Variants in IL6R observed in about 807,000 individuals in gnomAD.
IL6R encodes the protein interleukin 6 receptor.
In IL6R, 38 loss-of-function variants were observed where a neutral mutation model predicts 48.3. That is an observed-to-expected ratio of 0.79 (90% confidence interval 0.61 to 1.03). IL6R has a LOEUF of 1.03. Among genes scored for constraint, IL6R ranks in the 50% least tolerant of loss-of-function variants. The pLI is 0.00. For synonymous variants in IL6R, 264 were observed against 256.2 expected (o/e 1.03, Z -0.29); for missense variants, 534 against 618.3 (o/e 0.86, Z 1.45).
At position 154,435,964 on chromosome 1, in the gene IL6R, C is replaced by T. The variant is rs1356854108; in HGVS notation, c.808-5C>T. 1 of 1,595,840 alleles carries T rather than the reference C, an allele frequency of 6.3e-7. No homozygotes were observed. Among genetic ancestry groups the T allele is most frequent in the Non-Finnish European group, 8.6e-7 (1 of 1,166,414 alleles). Reference sequence around the variant, plus strand: ...TCCCCAGAGTCACCGTGCCCCCGCCCTCAGGTCAAGGACCTCCAGCATCAC... The same window carrying T: ...TCCCCAGAGTCACCGTGCCCCCGCCTTCAGGTCAAGGACCTCCAGCATCAC... On this transcript the variant is annotated splice_region_variant and splice_polypyrimidine_tract_variant and intron_variant, in intron 5 of 9. Transcript: ENST00000368485.
At chr1:154,444,713 A>G (rs572550104) in intron 6 of IL6R, among the ~76,000 whole-genome samples, 1 of 152,224 alleles carries the variant, frequency 6.6e-6, no homozygotes, top group East Asian at 1.9e-4. Flanking sequence ...GCCGGGCACC[A>G]TAAGGAGACC....
At chr1:154,416,702 A>G (rs1331805942) in intron 1 of IL6R, among the ~76,000 whole-genome samples, 1 of 151,338 alleles carries the variant, frequency 6.6e-6, no homozygotes, top group Non-Finnish European at 1.5e-5. Flanking sequence ...GGGGGAGCGG[A>G]GGGGGTGGGG....
intron 5 of IL6R, among the ~76,000 whole-genome samples, chr1:154,435,523 A>T (rs1051379553): frequency 2.6e-5 from 4 of 151,176 alleles, no homozygotes; most frequent in African/African-American, 7.3e-5. Flanking sequence ...AAAAAAAAAA[A>T]TAGAAAGGGT....
chr1:154,422,761 C>T (rs1487303389), intron 1 of IL6R, among the ~76,000 whole-genome samples: 4 of 152,238 alleles, frequency 2.6e-5, no homozygotes, highest in African/African-American at 4.8e-5. Context: ...TCTCCTAGGG[C>T]CTACTATGCA....
At position 154,451,239 on chromosome 1, in the gene IL6R, C is replaced by T. The variant is rs144522095; in HGVS notation, c.1066+1259C>T. On this transcript the variant is annotated intron_variant, in intron 8 of 9. Transcript: ENST00000368485. ...TGGGTGTTCAAAGGTTGCTATGGGC[C>T]GGGCGCGGTGGCTTACGCCTGTAAT... Among the ~76,000 whole-genome samples the T allele has an allele frequency of 7.1e-3, 1,083 of 152,252 alleles. 9 individuals are homozygous for T. Among genetic ancestry groups the T allele is most frequent in the Non-Finnish European group, 0.012 (836 of 68,008 alleles).
At chr1:154,420,910 A>G (rs1688625335) in intron 1 of IL6R, among the ~76,000 whole-genome samples, 1 of 152,200 alleles carries the variant, frequency 6.6e-6, no homozygotes, top group Admixed American at 6.5e-5. Flanking sequence ...CACAATTAAT[A>G]GTCAGTGATT....
chr1:154,466,742 G>C lies in IL6R; in HGVS notation c.*1362G>C, dbSNP rs908614301. 1.8e-5 allele frequency: 3 copies of C among 169,236 alleles called. No individual in the cohort carries two copies. The Admixed American group carries it at 1.9e-4, about 11-fold the overall frequency. The allele number at this position is 169,236 out of a possible 1,614,324, so 10.5% of individuals were successfully genotyped here. A position where few individuals can be genotyped will look rare whatever the true frequency, so the allele number is the denominator to read the frequency against. On this transcript the variant is annotated 3_prime_UTR_variant, in exon 10 of 10. Transcript: ENST00000368485. Reference sequence around the variant, plus strand: ...GTGTGCCTGAAGTCCCAGATACTTGGGGGGCTGAGGTGGGAGGATCTCTTG... The same window carrying C: ...GTGTGCCTGAAGTCCCAGATACTTGCGGGGCTGAGGTGGGAGGATCTCTTG...
At chr1:154,410,415 C>G (rs916583388) in intron 1 of IL6R, among the ~76,000 whole-genome samples, 1 of 152,092 alleles carries the variant, frequency 6.6e-6, no homozygotes, top group Non-Finnish European at 1.5e-5. Context: ...CCACATCTGG[C>G]TAATTTTTTG....
intron 6 of IL6R, among the ~76,000 whole-genome samples, chr1:154,441,369 C>T (rs942665511): frequency 1.3e-5 from 2 of 152,218 alleles, no homozygotes; most frequent in Admixed American, 6.5e-5. Context: ...GACACAGCTT[C>T]TGTGGGAGCT....
intron 1 of IL6R, among the ~76,000 whole-genome samples, chr1:154,406,048 C>A (rs1687692658): frequency 6.6e-6 from 1 of 152,186 alleles, no homozygotes; most frequent in South Asian, 2.1e-4. Flanking sequence ...TTTACACAAC[C>A]GCGTCCCAGG....
intron 1 of IL6R, among the ~76,000 whole-genome samples, chr1:154,413,891 G>A (rs530365963): frequency 6.6e-6 from 1 of 151,180 alleles, no homozygotes; most frequent in African/African-American, 2.4e-5. Flanking sequence ...CTGGAGTGCA[G>A]TGACATGCTC....
chr1:154,453,248 A>G (rs975656248), intron 8 of IL6R, among the ~76,000 whole-genome samples: 1 of 152,202 alleles, frequency 6.6e-6, no homozygotes, highest in Non-Finnish European at 1.5e-5. Flanking sequence ...TGAAATGTTA[A>G]TAAATGAGCA....
chr1:154,453,289 G>A (rs1442940223), intron 8 of IL6R, among the ~76,000 whole-genome samples: 1 of 152,234 alleles, frequency 6.6e-6, no homozygotes, highest in Non-Finnish European at 1.5e-5. Flanking sequence ...TTACACAGCT[G>A]CATCTCTCAA....
Position 154,429,186 on chromosome 1 carries a change from C to CCT in IL6R, c.86-8_86-7dup, listed in dbSNP as rs1374843716. On this transcript the variant is annotated splice_polypyrimidine_tract_variant and intron_variant, in intron 1 of 9. Coordinates refer to ENST00000368485, the MANE Select transcript of IL6R (RefSeq NM_000565.4). ...CTGTGGGCTCACCAAGTGTCTTCTC[C>CCT]CTCCTCCAGAGGTGGCGAGAGGCGT... is the stretch of plus-strand genomic sequence containing the variant. 4 of 1,604,044 alleles carry CCT rather than the reference C, an allele frequency of 2.5e-6. No individual in the cohort carries two copies. Among genetic ancestry groups the CCT allele is most frequent in the Non-Finnish European group, 3.4e-6 (4 of 1,171,720 alleles).
At chr1:154,444,870 T>A (rs1690129197) in intron 6 of IL6R, among the ~76,000 whole-genome samples, 1 of 152,068 alleles carries the variant, frequency 6.6e-6, no homozygotes, top group Non-Finnish European at 1.5e-5. Context: ...ACTACTGCAC[T>A]CCAGCCTGGG....
chr1:154,430,629 T>C (rs1689241278), intron 3 of IL6R, 23 bp downstream of exon 3: 1 of 1,614,024 alleles, frequency 6.2e-7, no homozygotes, highest in Non-Finnish European at 8.5e-7. Context: ...GGCTGAGCTA[T>C]GTGCATGTTG....
chr1:154,407,832 C>T (rs915375963), intron 1 of IL6R, among the ~76,000 whole-genome samples: 3 of 152,142 alleles, frequency 2.0e-5, no homozygotes, highest in Admixed American at 6.5e-5. Flanking sequence ...TAGGCTTCTG[C>T]CGGTTCCAAC....
intron 4 of IL6R, 71 bp from the exon 5 acceptor site, chr1:154,434,919 A>G: frequency 6.6e-7 from 1 of 1,526,704 alleles, no homozygotes; most frequent in Non-Finnish European, 9.0e-7. Context: ...GCTTGCTGGG[A>G]TCTCAGCCTA....
chr1:154,455,795 G>A (rs999437618), intron 9 of IL6R, among the ~76,000 whole-genome samples: 16 of 150,212 alleles, frequency 1.1e-4, no homozygotes, highest in Admixed American at 8.6e-4. Flanking sequence ...TGTGGCTCAC[G>A]CTTGTAATTC....
Sources: allele counts gnomAD v4.1 joint callset (sites outside exome capture counted in the v4.1 genomes callset), GRCh38; gene constraint gnomAD v4.1.1; transcripts MANE v1.5; gene names NCBI Gene and HGNC (gene_info 2026-07-23, HGNC 2026-07-21).